The following CTNNA2 variants were observed in gnomAD, a reference collection of about 807,000 sequenced individuals.
The protein encoded by CTNNA2 is catenin alpha 2.
CTNNA2 carries 42 observed loss-of-function variants against 101.0 expected under a neutral mutation model. That is an observed-to-expected ratio of 0.42 (90% CI 0.32 to 0.54). The LOEUF is 0.54. Among genes scored for constraint, CTNNA2 ranks in the 20% least tolerant of loss-of-function variants. The pLI, the probability that CTNNA2 is intolerant of heterozygous loss-of-function variation, is 0.14. For synonymous variants in CTNNA2, 450 were observed against 456.4 expected, an observed-to-expected ratio of 0.99 and a Z score of 0.18; for missense variants, 871 against 1,223.1, an observed-to-expected ratio of 0.71 and a Z score of 4.29.
chr2:80,609,128 C>A (rs942040506), intron 17 of CTNNA2, among the ~76,000 whole-genome samples: 2 of 151,666 alleles, frequency 1.3e-5, no homozygotes, highest in Non-Finnish European at 2.9e-5. Context: ...CACCTTAGTT[C>A]TTTTCCCAGT....
chr2:80,163,021 A>G (rs1379420207), intron 7 of CTNNA2: 3 of 1,561,904 alleles, frequency 1.9e-6, no homozygotes, highest in Non-Finnish European at 2.6e-6. Flanking sequence ...GGCCTTCCAT[A>G]AAGTTTGATT....
intron 7 of CTNNA2, among the ~76,000 whole-genome samples, chr2:79,913,081 C>A (rs1301459682): frequency 6.6e-6 from 1 of 152,196 alleles, no homozygotes; most frequent in African/African-American, 2.4e-5. Flanking sequence ...TGCTCTCATG[C>A]AGCTTACACT....
At chr2:80,432,943 A>T (rs1681676552) in intron 9 of CTNNA2, among the ~76,000 whole-genome samples, 1 of 152,134 alleles carries the variant, frequency 6.6e-6, no homozygotes, top group Non-Finnish European at 1.5e-5. Flanking sequence ...CTTTTCTGTA[A>T]AATGTCATGA....
chr2:80,153,310 G>C (rs1017570204), intron 7 of CTNNA2, among the ~76,000 whole-genome samples: 1 of 152,128 alleles, frequency 6.6e-6, no homozygotes, highest in Non-Finnish European at 1.5e-5. Context: ...CTCAGTATTT[G>C]TCATCCTGCC....
At chr2:80,319,131 A>G (rs988634220) in intron 7 of CTNNA2, among the ~76,000 whole-genome samples, 4 of 152,222 alleles carry the variant, frequency 2.6e-5, no homozygotes, top group African/African-American at 9.6e-5. Context: ...GACCATATGC[A>G]CAGGTTAACT....
intron 3 of CTNNA2, among the ~76,000 whole-genome samples, chr2:79,315,791 T>C (rs779330847): frequency 3.3e-5 from 5 of 152,120 alleles, no homozygotes; most frequent in Non-Finnish European, 5.9e-5. Flanking sequence ...AATTTTTGGG[T>C]ACTGTGATAA....
chr2:80,362,144 T>C (rs1226513844), intron 7 of CTNNA2, among the ~76,000 whole-genome samples: 1 of 152,088 alleles, frequency 6.6e-6, no homozygotes, highest in East Asian at 1.9e-4. Flanking sequence ...CTAAATGAAG[T>C]TAGGTTCCTA....
At chr2:80,377,129 C>G (rs748814258) in intron 7 of CTNNA2, among the ~76,000 whole-genome samples, 9 of 152,178 alleles carry the variant, frequency 5.9e-5, no homozygotes, top group Non-Finnish European at 1.3e-4. Context: ...TGGATTTTAA[C>G]TTGGTGAAAA....
chr2:79,912,323 G>A (rs1049122574), intron 7 of CTNNA2, among the ~76,000 whole-genome samples: 1 of 152,230 alleles, frequency 6.6e-6, no homozygotes, highest in Non-Finnish European at 1.5e-5. Context: ...GTGGAGAGAA[G>A]CTGTGTATCA....
intron 15 of CTNNA2, among the ~76,000 whole-genome samples, chr2:80,596,553 C>T (rs1697001206): frequency 6.6e-6 from 1 of 151,860 alleles, no homozygotes; most frequent in Non-Finnish European, 1.5e-5. Context: ...ACCTCGTGAT[C>T]TGCCCACCTT....
chr2:79,200,733 G>T (rs1324407494), intron 2 of CTNNA2, among the ~76,000 whole-genome samples: 1 of 151,602 alleles, frequency 6.6e-6, no homozygotes, highest in Non-Finnish European at 1.5e-5. Context: ...AACCATGAAG[G>T]CCTTTTAATA....
At chr2:79,983,453 G>A (rs780459063) in intron 7 of CTNNA2, among the ~76,000 whole-genome samples, 1 of 152,106 alleles carries the variant, frequency 6.6e-6, no homozygotes, top group Non-Finnish European at 1.5e-5. Context: ...AGGATAGGGA[G>A]GGTCTCCTTT....
chr2:79,461,678 T>C (rs1670881035), intron 4 of CTNNA2, among the ~76,000 whole-genome samples: 1 of 152,028 alleles, frequency 6.6e-6, no homozygotes, highest in Non-Finnish European at 1.5e-5. Flanking sequence ...AGAGCAAAGA[T>C]ACCAGAAAAA....
chr2:79,765,276 CA>C (rs1298871088), intron 3 of CTNNA2, among the ~76,000 whole-genome samples: 1 of 151,840 alleles, frequency 6.6e-6, no homozygotes, highest in East Asian at 1.9e-4. Flanking sequence ...GACAGAAGAA[CA>C]AAAAAGAGTA....
chr2:79,741,757 T>C (rs7578909), intron 2 of CTNNA2, among the ~76,000 whole-genome samples: 5,144 of 152,268 alleles, frequency 0.034, 290 homozygotes, highest in African/African-American at 0.11. Context: ...CAATTCTTTT[T>C]TATTTTCTTA....
At chr2:79,310,531 A>ATCT (rs1676343572) in intron 2 of CTNNA2, among the ~76,000 whole-genome samples, 1 of 152,242 alleles carries the variant, frequency 6.6e-6, no homozygotes. Flanking sequence ...TACTGAAGAA[A>ATCT]TCTTGTCTTT....
intron 3 of CTNNA2, among the ~76,000 whole-genome samples, chr2:79,746,969 A>T (rs76631648): frequency 6.6e-6 from 1 of 152,126 alleles, no homozygotes; most frequent in Non-Finnish European, 1.5e-5. Context: ...TAAGAGGTGA[A>T]TGAATGGTCT....
At chr2:79,802,276 T>C (rs1225569403) in intron 3 of CTNNA2, among the ~76,000 whole-genome samples, 1 of 152,168 alleles carries the variant, frequency 6.6e-6, no homozygotes, top group Non-Finnish European at 1.5e-5. Context: ...AGGGATAATA[T>C]CCTAAATGTA....
At chr2:79,243,700 C>G (rs1459044977) in intron 2 of CTNNA2, among the ~76,000 whole-genome samples, 2 of 152,114 alleles carry the variant, frequency 1.3e-5, no homozygotes, top group Admixed American at 6.5e-5. Flanking sequence ...TAACTGGAAT[C>G]TTACTGAGGA....
Sources: gnomAD v4.1 joint callset for allele counts (sites outside exome capture counted in the v4.1 genomes callset) on GRCh38, gnomAD v4.1.1 for gene constraint, MANE v1.5 for transcripts, NCBI Gene and HGNC (gene_info 2026-07-23, HGNC 2026-07-21) for gene names.